Variants in JMJD7 observed in about 807,000 individuals in gnomAD.
The protein encoded by JMJD7 is bifunctional peptidase and (3S)-lysyl hydroxylase JMJD7.
JMJD7 carries 41 observed loss-of-function variants against 41.1 expected under a neutral mutation model. The ratio of observed to expected loss-of-function variants is 1.00; its 90% CI spans 0.78 to 1.30. The LOEUF (loss-of-function observed/expected upper bound fraction) is 1.30, where lower values mean the gene tolerates loss of function less well. Among genes scored for constraint, JMJD7 ranks in the 50% most tolerant of loss-of-function variants. The probability of loss-of-function intolerance (pLI) is 0.00; values close to 1 mark genes in which losing one functional copy is unlikely to be tolerated. For missense variants in JMJD7, 480 were observed against 420.7 expected (o/e 1.14, Z -1.23); for synonymous variants, 202 against 177.2 (o/e 1.14, Z -1.11).
At chr15:41,833,113 T>G (rs1378826304) in intron 1 of JMJD7, among the ~76,000 whole-genome samples, 1 of 152,078 alleles carries the variant, frequency 6.6e-6, no homozygotes, top group African/African-American at 2.4e-5. Flanking sequence ...CAATATGAGA[T>G]TGTATTTTCA....
chr15:41,836,407 G>T (rs1458503946), intron 5 of JMJD7, 68 bp from the exon 6 acceptor site: 1 of 1,556,850 alleles, frequency 6.4e-7, no homozygotes, highest in Non-Finnish European at 8.7e-7. Context: ...GCTGGCTGGG[G>T]TGGAGGAGGG....
chr15:41,836,973 C>T, intron 7 of JMJD7, 33 bp downstream of exon 7: 1 of 1,609,664 alleles, frequency 6.2e-7, no homozygotes, highest in Non-Finnish European at 8.5e-7. Flanking sequence ...TGGGGAGAGG[C>T]CCTGTCAAGG....
At chr15:41,837,008 C>G in intron 7 of JMJD7, 60 bp from the exon 8 acceptor site, 1 of 1,609,170 alleles carries the variant, frequency 6.2e-7, no homozygotes. Flanking sequence ...TGGGGGGAGG[C>G]TTGGGAGGCT....
chr15:41,831,798 C>T (rs2065232562), intron 1 of JMJD7, among the ~76,000 whole-genome samples: 1 of 152,160 alleles, frequency 6.6e-6, no homozygotes, highest in Admixed American at 6.5e-5. Context: ...CTCTGCTTGT[C>T]TGTGTGTACC....
intron 3 of JMJD7, 57 bp downstream of exon 3, chr15:41,835,280 G>C (rs1247637565): frequency 1.3e-6 from 2 of 1,552,040 alleles, no homozygotes; most frequent in Middle Eastern, 2.1e-4. Flanking sequence ...GAAGGAGGGG[G>C]GTCAGCCTGT....
rs1317154141 is a variant in JMJD7, at chr15:41,836,197, G to C, written c.579G>C (p.Lys193Asn). The change falls in exon 5 of 8, where the codon AAG becomes AAC. Residue 193 changes from lysine to asparagine, a missense_variant. By Grantham distance (94) the Lys-to-Asn change is moderately conservative. Coordinates refer to ENST00000397299, the MANE Select transcript of JMJD7 (RefSeq NM_001114632.2). The part of the protein sequence containing the change: ...ENLYCVVSGE[K>N]HFLFHPPSDR... ...TCTACTGCGTGGTCTCAGGAGAGAA[G>C]CATTTCCTGTTCCATCCGCCCAGCG... 5 of 1,612,940 alleles carry C rather than the reference G, an allele frequency of 3.1e-6. No individual in the cohort carries two copies. The highest frequency in any genetic ancestry group is 4.2e-6 in the Non-Finnish European group (5 of 1,179,424).
intron 1 of JMJD7, among the ~76,000 whole-genome samples, chr15:41,830,627 C>T (rs2065216260): frequency 6.6e-6 from 1 of 152,196 alleles, no homozygotes; most frequent in Admixed American, 6.5e-5. Context: ...CAGCTGCAGC[C>T]TCCCAAGCTG....
At chr15:41,836,742 G>C in intron 6 of JMJD7, 39 bp from the exon 7 acceptor site, 3 of 1,564,726 alleles carry the variant, frequency 1.9e-6, no homozygotes, top group South Asian at 1.2e-5. Flanking sequence ...GTCCTGGGGG[G>C]TCTGGGGGGC....
At position 41,828,155 on chromosome 15, in the gene JMJD7, A is replaced by G. The variant is rs771660026; in HGVS notation, c.31A>G (p.Ser11Gly). Residue 11 changes from serine (S) to glycine (G), a missense_variant, in exon 1 of 8, where the codon AGC (serine) becomes GGC (glycine). Ser to Gly is a moderately conservative substitution (Grantham distance 56). Coordinates refer to ENST00000397299, the MANE Select transcript of JMJD7 (RefSeq NM_001114632.2). MAEAALEAVR[S>G]ELREFPAAAR... ...GGAGGCGGCTTTGGAAGCCGTGCGG[A>G]GCGAGTTACGAGAATTCCCGGCCGC... 1.5e-5 allele frequency: 22 copies of G among 1,487,586 alleles called. No homozygotes were observed. Among genetic ancestry groups the G allele is most frequent in the South Asian group, 1.4e-4 (10 of 72,872 alleles). The allele number at this position is 1,487,586 out of a possible 1,614,324, so 92.1% of individuals were successfully genotyped here. A position where few individuals can be genotyped will look rare whatever the true frequency, so the allele number is the denominator to read the frequency against.
chr15:41,836,654 G>T, intron 6 of JMJD7, 103 bp downstream of exon 6: 1 of 1,467,258 alleles, frequency 6.8e-7, no homozygotes, highest in East Asian at 2.5e-5. Context: ...GCTCTGAAAA[G>T]TCTCTAAGTC....
rs1214540960 is a variant in JMJD7, at chr15:41,837,395, G to C, written c.*239G>C. On this transcript the variant is annotated 3_prime_UTR_variant, in exon 8 of 8. Transcript: ENST00000397299. Reference sequence around the variant, plus strand: ...CACAGGTGAGCAGAGTGGGGATCAGGTGCAGCGGCACCTCTCCCCAGCGCT... The same window carrying C: ...CACAGGTGAGCAGAGTGGGGATCAGCTGCAGCGGCACCTCTCCCCAGCGCT... 1 of 558,234 alleles carries C rather than the reference G, an allele frequency of 1.8e-6. No individual in the cohort carries two copies. Among genetic ancestry groups the C allele is most frequent in the Non-Finnish European group, 3.2e-6 (1 of 313,986 alleles). The allele number at this position is 558,234 out of a possible 1,614,324, so 34.6% of individuals were successfully genotyped here.
chr15:41,836,061 G>A, intron 4 of JMJD7, 87 bp from the exon 5 acceptor site: 1 of 1,377,058 alleles, frequency 7.3e-7, no homozygotes, highest in Non-Finnish European at 9.9e-7. Context: ...GGACGTCTTG[G>A]GGTGCAGGGC....
intron 4 of JMJD7, 113 bp downstream of exon 4, chr15:41,835,757 G>C (rs1358537907): frequency 7.5e-7 from 1 of 1,338,100 alleles, no homozygotes; most frequent in Non-Finnish European, 1.0e-6. Flanking sequence ...TGTTCTCTAA[G>C]ATTTCTTTTG....
chr15:41,833,691 AT>A (rs2065267620), intron 1 of JMJD7, among the ~76,000 whole-genome samples: 1 of 151,942 alleles, frequency 6.6e-6, no homozygotes, highest in South Asian at 2.1e-4. Flanking sequence ...AAGTGCTGGG[AT>A]TACAGACATG....
intron 1 of JMJD7, among the ~76,000 whole-genome samples, chr15:41,830,397 C>T (rs561535283): frequency 8.5e-5 from 13 of 152,336 alleles, no homozygotes; most frequent in African/African-American, 2.9e-4. Context: ...GCACCTTGCC[C>T]GCCGCCGCTG....
At position 41,834,721 on chromosome 15, in the gene JMJD7, GTCT is replaced by G. The variant is rs540609405; in HGVS notation, c.65-11_65-9del. 1.4e-4 allele frequency: 231 copies of G among 1,612,232 alleles called. No homozygotes were observed. In the East Asian group the frequency reaches 2.2e-3, roughly 15 times the overall value. ...GCAGACATCAGCCCTTCCATCCCCT[GTCT>G]TCTTCTTTCTCTCAGAGCTCTGCGT... On this transcript the variant is annotated splice_polypyrimidine_tract_variant and intron_variant, in intron 1 of 7. Transcript: ENST00000397299.
intron 1 of JMJD7, chr15:41,828,528 C>A (rs2065176113): frequency 4.1e-6 from 1 of 246,816 alleles, no homozygotes; most frequent in African/African-American, 2.2e-5. Context: ...ACGCGCCCCA[C>A]CTCCGACCTC....
At chr15:41,834,661 C>T in intron 1 of JMJD7, 79 bp from the exon 2 acceptor site, 1 of 1,559,598 alleles carries the variant, frequency 6.4e-7, no homozygotes. Context: ...GCGGCCTTTC[C>T]AGGGAGGGCA....
In JMJD7 at chr15:41,835,169, C is replaced by T. The variant is rs374618704; in HGVS notation, c.418C>T (p.Pro140Ser). 12 of 1,603,912 alleles carry T rather than the reference C, an allele frequency of 7.5e-6. No homozygotes were observed. The highest frequency in any genetic ancestry group is 1.0e-5 in the Non-Finnish European group (12 of 1,179,960). ...KQCSNLPSELPQLLPDLESHV... is the reference protein window; with the variant it reads ...KQCSNLPSELSQLLPDLESHV... ...GTGCTCCAACCTGCCCAGCGAGCTG[C>T]CCCAGCTGCTGCCTGATCTGGAATC... Residue 140 changes from proline (P) to serine (S), a missense_variant, in exon 3 of 8, where the codon CCC becomes TCC. Physicochemically the swap from Pro to Ser is moderately conservative, Grantham distance 74 (BLOSUM62 -1). Coordinates refer to ENST00000397299, the MANE Select transcript of JMJD7 (RefSeq NM_001114632.2).
Sources: gnomAD v4.1 joint callset for allele counts (sites outside exome capture counted in the v4.1 genomes callset) on GRCh38, gnomAD v4.1.1 for gene constraint, MANE v1.5 for transcripts, NCBI Gene and HGNC (gene_info 2026-07-23, HGNC 2026-07-21) for gene names.